The following MLLT10 variants were observed in gnomAD, a reference collection of about 807,000 sequenced individuals.
MLLT10 encodes the protein MLLT10 histone lysine methyltransferase DOT1L cofactor, also known as protein AF-10.
MLLT10 carries 30 observed loss-of-function variants against 129.1 expected under a neutral mutation model. That is an observed-to-expected ratio of 0.23 (90% CI 0.17 to 0.32). The LOEUF (loss-of-function observed/expected upper bound fraction) is 0.32. Among genes scored for constraint, MLLT10 ranks in the 10% least tolerant of loss-of-function variants. MLLT10 has a pLI of 1.00. For synonymous variants in MLLT10, 490 were observed against 446.4 expected (o/e 1.10, Z -1.23); for missense variants, 1,119 against 1,268.3 (o/e 0.88, Z 1.79).
intron 13 of MLLT10, among the ~76,000 whole-genome samples, chr10:21,706,354 A>C (rs1355370405): frequency 1.3e-5 from 2 of 152,222 alleles, no homozygotes; most frequent in Non-Finnish European, 2.9e-5. Context: ...TATGCTTCGC[A>C]TATGTAAGTT....
intron 3 of MLLT10, among the ~76,000 whole-genome samples, chr10:21,555,009 C>CG (rs1395200063): frequency 6.7e-6 from 1 of 149,678 alleles, no homozygotes; most frequent in African/African-American, 2.5e-5. Context: ...TAGGTAGAGA[C>CG]GGGGTTTCAC....
chr10:21,595,605 A>G, intron 5 of MLLT10, 165 bp downstream of exon 5: 1 of 529,720 alleles, frequency 1.9e-6, no homozygotes, highest in East Asian at 2.9e-5. Flanking sequence ...TATGTTACTA[A>G]GGTCACAGGA....
chr10:21,578,931 C>A (rs1054650481), intron 3 of MLLT10, among the ~76,000 whole-genome samples: 1 of 152,176 alleles, frequency 6.6e-6, no homozygotes, highest in Non-Finnish European at 1.5e-5. Flanking sequence ...TGAAAGTCTT[C>A]TAAGTTTACC....
At chr10:21,586,561 A>G (rs540690896) in intron 4 of MLLT10, among the ~76,000 whole-genome samples, 1 of 152,290 alleles carries the variant, frequency 6.6e-6, no homozygotes, top group African/African-American at 2.4e-5. Flanking sequence ...TTTATGCAGT[A>G]TGATCTATTA....
chr10:21,590,408 C>T (rs765043997), intron 4 of MLLT10, among the ~76,000 whole-genome samples: 14 of 151,044 alleles, frequency 9.3e-5, no homozygotes, highest in South Asian at 8.4e-4. Flanking sequence ...GGCGTGATGT[C>T]GGCTCACTGC....
chr10:21,638,262 GGA>G (rs1297169130), intron 8 of MLLT10, among the ~76,000 whole-genome samples: 27 of 110,512 alleles, frequency 2.4e-4, no homozygotes, highest in East Asian at 9.7e-4. Flanking sequence ...TTTGGTGGGG[GGA>G]GGGGGGCGGG....
chr10:21,717,746 C>T (rs1429191171), intron 14 of MLLT10, among the ~76,000 whole-genome samples: 5 of 125,804 alleles, frequency 4.0e-5, no homozygotes, highest in Non-Finnish European at 1.6e-5. Context: ...CTTCCTCCTC[C>T]TCTTCCTCCT....
chr10:21,651,589 A>C (rs2049036005), intron 8 of MLLT10, 84 bp from the exon 9 acceptor site: 1 of 838,506 alleles, frequency 1.2e-6, no homozygotes, highest in Non-Finnish European at 1.9e-6. Context: ...TAATGTTTTA[A>C]ATTACTAGTT....
At chr10:21,678,858 C>T (rs903203831) in intron 11 of MLLT10, among the ~76,000 whole-genome samples, 3 of 152,134 alleles carry the variant, frequency 2.0e-5, no homozygotes, top group African/African-American at 7.2e-5. Context: ...CTTGGAACAG[C>T]CTTGTGAAAT....
chr10:21,556,176 A>G (rs1258970298), intron 3 of MLLT10, among the ~76,000 whole-genome samples: 1 of 151,776 alleles, frequency 6.6e-6, no homozygotes, highest in Non-Finnish European at 1.5e-5. Flanking sequence ...GGGTTTCGCC[A>G]TGTTGGCCAG....
chr10:21,702,350 T>C (rs868540736), intron 13 of MLLT10, among the ~76,000 whole-genome samples: 2 of 152,350 alleles, frequency 1.3e-5, no homozygotes. Flanking sequence ...ATTTGTTTTG[T>C]GTCCTGACAT....
chr10:21,650,147 G>A (rs1160108840), intron 8 of MLLT10, among the ~76,000 whole-genome samples: 1 of 152,052 alleles, frequency 6.6e-6, no homozygotes, highest in Non-Finnish European at 1.5e-5. Flanking sequence ...TGAGGCTGCA[G>A]TGAGCCAAAA....
rs1839394445 is a variant in MLLT10, at chr10:21,673,532, A to G, written c.1234A>G (p.Asn412Asp). Residue 412 changes from asparagine (N) to aspartate (D), a missense_variant, in exon 11 of 23, where the codon AAT (asparagine) becomes GAT (aspartate). Around this residue, in one of 5 missense-constraint regions of MLLT10, gnomAD observed 1,004 missense variants for 1,008.7 expected, o/e 1.00. Coordinates refer to ENST00000307729, the MANE Select transcript of MLLT10 (RefSeq NM_001195626.3). Reference sequence around the variant, plus strand: ...GTCTGGAAGCCAGGAAGGGGGGGTAAATAGTTTTAGTACCTTAATTGGCCT... The same window carrying G: ...GTCTGGAAGCCAGGAAGGGGGGGTAGATAGTTTTAGTACCTTAATTGGCCT... ...GESGSQEGGV[N>D]SFSTLIGLPS... 1.1e-5 allele frequency: 18 copies of G among 1,613,578 alleles called. No individual in the cohort carries two copies. Among genetic ancestry groups the G allele is most frequent in the Non-Finnish European group, 1.5e-5 (18 of 1,179,834 alleles).
intron 8 of MLLT10, among the ~76,000 whole-genome samples, chr10:21,645,056 G>T (rs2048352020): frequency 6.6e-6 from 1 of 152,008 alleles, no homozygotes; most frequent in Non-Finnish European, 1.5e-5. Flanking sequence ...TACTCTTTAG[G>T]CAGAAAAAGT....
intron 9 of MLLT10, among the ~76,000 whole-genome samples, chr10:21,654,522 A>G (rs1287247278): frequency 6.6e-6 from 1 of 152,212 alleles, no homozygotes; most frequent in Non-Finnish European, 1.5e-5. Flanking sequence ...ATTTGAGTGA[A>G]GAAAAAAAGG....
In MLLT10 at chr10:21,740,210, G is replaced by A; in HGVS notation, c.3136G>A (p.Gly1046Arg). ...ATTNPFLTIH[G>R]DNASQKVARL... ...CACCAACCCATTTCTCACCATCCAT[G>A]GAGATAATGCAAGTCAGAAAGTAGC... Residue 1046 changes from glycine to arginine, a missense_variant, in exon 22 of 23, where the codon GGA (glycine) becomes AGA (arginine). By Grantham distance (125) the Gly-to-Arg change is moderately radical. Around this residue, in one of 5 missense-constraint regions of MLLT10, gnomAD observed 1,004 missense variants for 1,008.7 expected, o/e 1.00. Coordinates refer to ENST00000307729, the MANE Select transcript of MLLT10 (RefSeq NM_001195626.3). 6.2e-7 allele frequency: 1 copy of A among 1,614,090 alleles called. No individual in the cohort carries two copies. Among genetic ancestry groups the A allele is most frequent in the East Asian group, 2.2e-5 (1 of 44,884 alleles).
At chr10:21,671,762 G>C (rs1008483826) in intron 10 of MLLT10, among the ~76,000 whole-genome samples, 1 of 152,110 alleles carries the variant, frequency 6.6e-6, no homozygotes, top group African/African-American at 2.4e-5. Context: ...TTCAGCCTGG[G>C]TGACAGAGTG....
intron 8 of MLLT10, chr10:21,624,960 G>A: frequency 7.7e-7 from 1 of 1,296,370 alleles, no homozygotes; most frequent in Non-Finnish European, 1.1e-6. Context: ...TGGTGGTGGT[G>A]AAGCACCCTG....
At chr10:21,616,669 T>G (rs2045290433) in intron 7 of MLLT10, among the ~76,000 whole-genome samples, 1 of 152,070 alleles carries the variant, frequency 6.6e-6, no homozygotes, top group South Asian at 2.1e-4. Context: ...TTTAGAAAAC[T>G]GTATACCTTA....
Sources: allele counts gnomAD v4.1 joint callset (sites outside exome capture counted in the v4.1 genomes callset), GRCh38; gene constraint gnomAD v4.1.1; regional missense constraint gnomAD v4.1.1; transcripts MANE v1.5; gene names NCBI Gene and HGNC (gene_info 2026-07-23, HGNC 2026-07-21).